The following DCAF5 variants were observed in gnomAD, a reference collection of about 807,000 sequenced individuals.
The protein encoded by DCAF5 is DDB1 and CUL4 associated factor 5.
DCAF5 carries 9 observed loss-of-function variants against 80.7 expected under a neutral mutation model. The ratio of observed to expected loss-of-function variants is 0.11; its 90% CI spans 0.07 to 0.19. The LOEUF (loss-of-function observed/expected upper bound fraction) is 0.19. Ranked by LOEUF, DCAF5 falls within the 10% of genes least tolerant of loss-of-function variation. The probability of loss-of-function intolerance (pLI) is 1.00; values close to 1 mark genes in which losing one functional copy is unlikely to be tolerated. For synonymous variants in DCAF5, 433 were observed against 461.9 expected (o/e 0.94, Z 0.80); for missense variants, 842 against 1,205.7 (o/e 0.70, Z 4.47).
intron 5 of DCAF5, among the ~76,000 whole-genome samples, chr14:69,100,848 T>C (rs2039928505): frequency 6.6e-6 from 1 of 152,188 alleles, no homozygotes; most frequent in Admixed American, 6.5e-5. Context: ...ATCTAAAATA[T>C]GTGACTCCCA....
chr14:69,079,905 C>T (rs114270006), intron 6 of DCAF5, among the ~76,000 whole-genome samples: 2,026 of 152,112 alleles, frequency 0.013, 42 homozygotes, highest in African/African-American at 0.047. Context: ...AGCAGGTTAG[C>T]GCATATAGGG....
chr14:69,055,725 C>G lies in DCAF5; in HGVS notation c.1075-114G>C. On this transcript the variant is annotated intron_variant, in intron 8 of 8. Transcript: ENST00000341516. The surrounding 1 kb of genome is among the most constrained non-coding windows in gnomAD (Gnocchi z 5.6). ...TCCCCAGACTCTCCCTGTAATTTAA[C>G]TAGGACTTGCTAACCAACTTAAAAA... The G allele has an allele frequency of 9.4e-7, 1 of 1,068,226 alleles. No homozygotes were observed. Among genetic ancestry groups the G allele is most frequent in the South Asian group, 1.6e-5 (1 of 63,554 alleles). The allele number at this position is 1,068,226 out of a possible 1,614,324, so 66.2% of individuals were successfully genotyped here. A position where few individuals can be genotyped will look rare whatever the true frequency, so the allele number is the denominator to read the frequency against.
At chr14:69,109,671 A>G (rs1246105952) in intron 5 of DCAF5, among the ~76,000 whole-genome samples, 1 of 152,210 alleles carries the variant, frequency 6.6e-6, no homozygotes, top group Non-Finnish European at 1.5e-5. Flanking sequence ...ATGTTTGTGT[A>G]ATATTCTATT....
At chr14:69,098,924 A>G (rs2039846659) in intron 5 of DCAF5, among the ~76,000 whole-genome samples, 1 of 149,992 alleles carries the variant, frequency 6.7e-6, no homozygotes, top group South Asian at 2.1e-4. Flanking sequence ...AAGAAAAGAA[A>G]AAAAAGAAAA....
At chr14:69,146,639 A>T (rs1279861986) in intron 1 of DCAF5, among the ~76,000 whole-genome samples, 3 of 152,224 alleles carry the variant, frequency 2.0e-5, no homozygotes, top group African/African-American at 7.2e-5. Flanking sequence ...GAAATGTTAC[A>T]AATGAGAACT....
intron 1 of DCAF5, among the ~76,000 whole-genome samples, chr14:69,133,948 T>C (rs2041116223): frequency 6.6e-6 from 1 of 152,224 alleles, no homozygotes; most frequent in South Asian, 2.1e-4. Context: ...TTAATAAAGC[T>C]AGGGTTTTGA....
At chr14:69,153,185 T>C, upstream of DCAF5, 1 of 405,088 alleles carries the variant, frequency 2.5e-6, no homozygotes, top group Non-Finnish European at 4.3e-6. Flanking sequence ...CCGAGGCTCC[T>C]CCCTCTGCCT....
intron 1 of DCAF5, among the ~76,000 whole-genome samples, chr14:69,135,248 T>C (rs937877526): frequency 6.6e-6 from 1 of 152,214 alleles, no homozygotes; most frequent in Non-Finnish European, 1.5e-5. Context: ...ACTGGTGCCT[T>C]GGCGCTAGGG....
intron 7 of DCAF5, among the ~76,000 whole-genome samples, chr14:69,064,223 C>T (rs1044545310): frequency 2.0e-5 from 3 of 152,148 alleles, no homozygotes; most frequent in South Asian, 4.1e-4. Flanking sequence ...AGAGATCCTA[C>T]CATCCCCAAA....
intron 1 of DCAF5, among the ~76,000 whole-genome samples, chr14:69,137,425 G>A (rs959212320): frequency 2.0e-5 from 3 of 152,272 alleles, no homozygotes; most frequent in South Asian, 2.1e-4. Context: ...TCCATTCTAT[G>A]AGCAATTTCT....
Position 69,059,367 on chromosome 14 carries a change from G to A in DCAF5, c.1074+3017C>T, listed in dbSNP as rs116020143. On this transcript the variant is annotated intron_variant, in intron 8 of 8. Transcript: ENST00000341516. ...AAGGACAGAAAGAAGGGGGAGTAGA[G>A]AGAGAAAAGCAGGTCTCAGGCTGGA... Among the ~76,000 whole-genome samples the A allele has an allele frequency of 5.8e-3, 877 of 152,350 alleles. 3 individuals carry two copies. The highest frequency in any genetic ancestry group is 0.018 in the African/African-American group (749 of 41,572).
At chr14:69,138,704 TA>T (rs1375032448) in intron 1 of DCAF5, among the ~76,000 whole-genome samples, 2 of 152,320 alleles carry the variant, frequency 1.3e-5, no homozygotes, top group East Asian at 3.9e-4. Flanking sequence ...TACTTAGATG[TA>T]AAATTAAAGA....
intron 4 of DCAF5, among the ~76,000 whole-genome samples, chr14:69,117,458 A>T (rs2040577431): frequency 6.6e-6 from 1 of 152,198 alleles, no homozygotes. Flanking sequence ...TTAGGTACAC[A>T]GCTGTGATCA....
intron 8 of DCAF5, 141 bp downstream of exon 8, chr14:69,062,243 T>C: frequency 1.1e-6 from 1 of 938,260 alleles, no homozygotes; most frequent in Non-Finnish European, 1.5e-6. Flanking sequence ...CTTTCTAATA[T>C]TTTGTAATAT....
rs763891031 is a variant in DCAF5 at position 69,054,366 on chromosome 14, G to A, written c.2320C>T (p.Pro774Ser). 5.6e-6 allele frequency: 9 copies of A among 1,614,134 alleles called. No homozygotes were observed. The Admixed American group carries it at 1.5e-4, about 27-fold the overall frequency. Residue 774 changes from proline to serine, a missense_variant, in exon 9 of 9, where the codon CCT (proline) becomes TCT (serine). Coordinates refer to ENST00000341516, the MANE Select transcript of DCAF5 (RefSeq NM_003861.3). ...DTGNSGSVEH[P>S]FETKKLNGKA... ...CCATTGAGCTTCTTGGTTTCAAAAG[G>A]GTGCTCTACAGAGCCGCTATTGCCA...
intron 5 of DCAF5, among the ~76,000 whole-genome samples, chr14:69,097,846 C>T (rs2039786397): frequency 6.6e-6 from 1 of 152,112 alleles, no homozygotes; most frequent in Non-Finnish European, 1.5e-5. Context: ...GCCTCAGCCT[C>T]CCAAAGTGCT....
In DCAF5 at chr14:69,051,874, G is replaced by T. The variant is rs1305268116; in HGVS notation, c.*1983C>A. 2 of 152,550 alleles carry T rather than the reference G, an allele frequency of 1.3e-5. No homozygotes were observed. Among genetic ancestry groups the T allele is most frequent in the East Asian group, 3.9e-4 (2 of 5,186 alleles). 9.4% of individuals were successfully genotyped at this position (152,550 alleles called of 1,614,324 possible). On this transcript the variant is annotated 3_prime_UTR_variant, in exon 9 of 9. Transcript: ENST00000341516. ...TGATCGTATTTTTTTTGTATATAAA[G>T]GATTAAAAAATTCCAATTTAATACA...
chr14:69,110,876 CAAAAAAAAAAAA>C (rs35812611), intron 5 of DCAF5, among the ~76,000 whole-genome samples: 4 of 45,502 alleles, frequency 8.8e-5, no homozygotes, highest in Admixed American at 2.9e-4. Context: ...GACCCTGTCT[CAAAAAAAAAAAA>C]AAAAAAAAAA....
chr14:69,086,013 G>A (rs943669252), intron 6 of DCAF5, among the ~76,000 whole-genome samples: 3 of 152,152 alleles, frequency 2.0e-5, no homozygotes, highest in Non-Finnish European at 2.9e-5. Flanking sequence ...TCAGTTTCAC[G>A]TGAGGATAAA....
Sources: allele counts gnomAD v4.1 joint callset (sites outside exome capture counted in the v4.1 genomes callset), GRCh38; gene constraint gnomAD v4.1.1; non-coding constraint Gnocchi (gnomAD v3.1); transcripts MANE v1.5; gene names NCBI Gene and HGNC (gene_info 2026-07-23, HGNC 2026-07-21).